Variants in EARS2 observed in about 807,000 individuals in gnomAD.
EARS2 encodes nondiscriminating glutamyl-tRNA synthetase EARS2, mitochondrial.
A neutral mutation model predicts 54.1 loss-of-function variants in EARS2; 50 were observed. The ratio of observed to expected loss-of-function variants is 0.92; its 90% confidence interval spans 0.74 to 1.17. The LOEUF (loss-of-function observed/expected upper bound fraction) is 1.17. EARS2 is among the 50% of genes most tolerant of loss of function. The pLI is 0.00. For synonymous variants in EARS2, 298 were observed against 281.0 expected (o/e 1.06, Z -0.61); for missense variants, 673 against 675.0 (o/e 1.00, Z 0.03).
intron 4 of EARS2, among the ~76,000 whole-genome samples, chr16:23,533,035 CCAGCATTTTGGGAGG>C (rs1965353146): frequency 6.6e-6 from 1 of 152,124 alleles, no homozygotes; most frequent in Admixed American, 6.6e-5. Context: ...ACCTGTAATA[CCAGCATTTTGGGAGG>C]CAGAGGTCGG....
chr16:23,544,410 A>G, intron 3 of EARS2, 104 bp downstream of exon 3: 2 of 1,208,698 alleles, frequency 1.7e-6, no homozygotes, highest in South Asian at 3.1e-5. Flanking sequence ...CCTGACCCAC[A>G]GAAACTGAGA....
intron 1 of EARS2, among the ~76,000 whole-genome samples, chr16:23,554,028 T>C (rs1002976445): frequency 3.3e-5 from 5 of 152,178 alleles, no homozygotes; most frequent in Non-Finnish European, 7.3e-5. Flanking sequence ...TTTTTGAAAT[T>C]TGAGATGGGG....
intron 7 of EARS2, 134 bp from the exon 8 acceptor site, chr16:23,525,513 T>G: frequency 9.4e-7 from 1 of 1,059,022 alleles, no homozygotes; most frequent in Admixed American, 2.6e-5. Context: ...TTGAGGGAGG[T>G]GAGGAAGATA....
chr16:23,524,519 C>G, intron 8 of EARS2, 65 bp from the exon 9 acceptor site: 21 of 1,421,240 alleles, frequency 1.5e-5, no homozygotes, highest in Non-Finnish European at 2.1e-5. Flanking sequence ...GAAGCTCAGC[C>G]TTAGTCTGCA....
At chr16:23,538,043 A>G (rs1249945420) in intron 3 of EARS2, among the ~76,000 whole-genome samples, 2 of 151,904 alleles carry the variant, frequency 1.3e-5, no homozygotes, top group Non-Finnish European at 2.9e-5. Flanking sequence ...TTGGCCTCCC[A>G]AAGTGCTGGG....
At chr16:23,540,642 A>T (rs1567385093) in intron 3 of EARS2, among the ~76,000 whole-genome samples, 1 of 152,228 alleles carries the variant, frequency 6.6e-6, no homozygotes, top group Non-Finnish European at 1.5e-5. Context: ...TATTAGAAAT[A>T]ACATAAAGGT....
chr16:23,552,853 T>C (rs1965718598), intron 1 of EARS2, among the ~76,000 whole-genome samples: 1 of 152,242 alleles, frequency 6.6e-6, no homozygotes. Flanking sequence ...CTCGAACTCC[T>C]GACCTCAAGT....
At chr16:23,533,438 G>A (rs1464860416) in intron 4 of EARS2, among the ~76,000 whole-genome samples, 3 of 151,988 alleles carry the variant, frequency 2.0e-5, no homozygotes, top group South Asian at 4.1e-4. Context: ...CACTGTGCCC[G>A]CCCTCCTTCT....
Position 23,552,129 on chromosome 16 carries a change from C to A in EARS2, c.295+20G>T, listed in dbSNP as rs1194433281. On this transcript the variant is annotated intron_variant, in intron 2 of 8. Transcript: ENST00000449606. ...TCCTGTTCCTTCCCTGCAGAAAGAT[C>A]CTTTCTCTGCCAGGCTTACCTGCCC... is the stretch of plus-strand genomic sequence containing the variant. 6 of 1,609,028 alleles carry A rather than the reference C, an allele frequency of 3.7e-6. No homozygotes were observed. The highest frequency in any genetic ancestry group is 1.7e-4 in the Middle Eastern group (1 of 6,012).
intron 7 of EARS2, among the ~76,000 whole-genome samples, chr16:23,528,761 C>T (rs544011849): frequency 3.1e-4 from 47 of 152,318 alleles, no homozygotes; most frequent in African/African-American, 9.9e-4. Context: ...ATTAGTTGGG[C>T]GTGGTGGCTT....
chr16:23,531,640 T>C (rs1167789766), intron 5 of EARS2, among the ~76,000 whole-genome samples: 2 of 152,162 alleles, frequency 1.3e-5, no homozygotes, highest in Admixed American at 6.5e-5. Context: ...ACTGACCTCA[T>C]AGGTCTGATG....
chr16:23,551,798 G>A (rs182444976), intron 2 of EARS2, among the ~76,000 whole-genome samples: 1 of 152,314 alleles, frequency 6.6e-6, no homozygotes, highest in Non-Finnish European at 1.5e-5. Flanking sequence ...GCGGGCGCCT[G>A]TAGTTCCAGC....
intron 3 of EARS2, among the ~76,000 whole-genome samples, chr16:23,543,114 C>CTA: frequency 1.5e-5 from 1 of 65,548 alleles, no homozygotes. Context: ...GACTCTGTCT[C>CTA]ACCAAAAAAA....
intron 2 of EARS2, among the ~76,000 whole-genome samples, chr16:23,549,624 T>C (rs1965660809): frequency 6.6e-6 from 1 of 152,130 alleles, no homozygotes; most frequent in Non-Finnish European, 1.5e-5. Context: ...CCACTACACC[T>C]GGGTAATTTT....
At chr16:23,525,744 C>G (rs1965216381) in intron 7 of EARS2, among the ~76,000 whole-genome samples, 1 of 152,086 alleles carries the variant, frequency 6.6e-6, no homozygotes, top group Non-Finnish European at 1.5e-5. Flanking sequence ...ACCTGTAATC[C>G]CAGCACTTTG....
chr16:23,529,449 CAGAG>C, intron 7 of EARS2, 49 bp downstream of exon 7: 2 of 1,587,182 alleles, frequency 1.3e-6, no homozygotes, highest in South Asian at 2.3e-5. Context: ...AGCCATGGGA[CAGAG>C]AGAGGGAAGG....
chr16:23,557,202 T>A lies in EARS2; in HGVS notation c.139+3A>T. ...CCTGTAGCGTCACGTCCGCCAGGGTTACCTGTGGGGCTGGGAGCGAACCGC... is the reference window on the plus strand; with the variant it reads ...CCTGTAGCGTCACGTCCGCCAGGGTAACCTGTGGGGCTGGGAGCGAACCGC... On this transcript the variant is annotated splice_donor_region_variant and intron_variant, in intron 1 of 8. Transcript: ENST00000449606. 6.6e-7 allele frequency: 1 copy of A among 1,510,174 alleles called. No homozygotes were observed. Among genetic ancestry groups the A allele is most frequent in the Non-Finnish European group, 8.8e-7 (1 of 1,138,446 alleles). 93.5% of individuals were successfully genotyped at this position (1,510,174 alleles called of 1,614,324 possible).
At chr16:23,548,177 T>A (rs1425627310) in intron 2 of EARS2, among the ~76,000 whole-genome samples, 2 of 150,920 alleles carry the variant, frequency 1.3e-5, no homozygotes, top group Non-Finnish European at 2.9e-5. Context: ...GAGCTTGCAG[T>A]GAGCCGAGAT....
chr16:23,548,862 T>G (rs1965648661), intron 2 of EARS2, among the ~76,000 whole-genome samples: 1 of 152,146 alleles, frequency 6.6e-6, no homozygotes, highest in Non-Finnish European at 1.5e-5. Context: ...CCAAGACCAC[T>G]CATGGACCAA....
Sources: gnomAD v4.1 joint callset for allele counts (sites outside exome capture counted in the v4.1 genomes callset) on GRCh38, gnomAD v4.1.1 for gene constraint, MANE v1.5 for transcripts, NCBI Gene and HGNC (gene_info 2026-07-23, HGNC 2026-07-21) for gene names.